Variants in ARHGAP39 observed in about 807,000 individuals in gnomAD.
ARHGAP39 encodes the protein Rho GTPase activating protein 39.
In ARHGAP39, 44 loss-of-function variants were observed where a neutral mutation model predicts 106.9. That is an observed-to-expected ratio of 0.41 (90% confidence interval 0.32 to 0.53). The LOEUF (loss-of-function observed/expected upper bound fraction) is 0.53, where lower values mean the gene tolerates loss of function less well. Among genes scored for constraint, ARHGAP39 ranks in the 20% least tolerant of loss-of-function variants. The pLI is 0.21. For missense variants in ARHGAP39, 1,496 were observed against 1,577.3 expected, an observed-to-expected ratio of 0.95 and a Z score of 0.87; for synonymous variants, 768 against 693.2, an observed-to-expected ratio of 1.11 and a Z score of -1.69.
intron 1 of ARHGAP39, among the ~76,000 whole-genome samples, chr8:144,610,338 T>C (rs1820445109): frequency 6.6e-6 from 1 of 152,206 alleles, no homozygotes; most frequent in African/African-American, 2.4e-5. Context: ...TCCTTTCTTT[T>C]GCATCCTTTA....
At chr8:144,562,039 C>A (rs1199139535) in intron 3 of ARHGAP39, among the ~76,000 whole-genome samples, 1 of 145,340 alleles carries the variant, frequency 6.9e-6, no homozygotes, top group Non-Finnish European at 1.5e-5. Context: ...TGGTTTCCAT[C>A]GGACTTACTC....
intron 4 of ARHGAP39, among the ~76,000 whole-genome samples, chr8:144,553,240 C>T (rs1817785654): frequency 6.6e-6 from 1 of 152,196 alleles, no homozygotes; most frequent in Non-Finnish European, 1.5e-5. Flanking sequence ...TAATTGTGCC[C>T]AGCTTGCCGT....
At chr8:144,618,651 T>C (rs1169919876) in intron 1 of ARHGAP39, among the ~76,000 whole-genome samples, 4 of 152,098 alleles carry the variant, frequency 2.6e-5, no homozygotes, top group Non-Finnish European at 5.9e-5. Context: ...CCTCCCCCTC[T>C]GCCGGGGCTG....
In ARHGAP39 at chr8:144,684,877, G is replaced by A. The variant is rs913308932; in HGVS notation, c.-82+809C>T. ...GCAGGCGGCCATGACCCCACCTGGA[G>A]ACGCCCATGTCCGCTCCCTGCGCCC... On this transcript the variant is annotated intron_variant, in intron 1 of 11. Transcript: ENST00000377307. This position sits in a 1 kb window ranked among gnomAD's most constrained non-coding sequence, Gnocchi z 4.4. 6.6e-5 allele frequency among the ~76,000 whole-genome samples: 10 copies of A among 152,324 alleles called. No individual in the cohort carries two copies. In the East Asian group the frequency reaches 1.9e-3, roughly 29 times the overall value.
In ARHGAP39 at chr8:144,548,549, A is replaced by T; in HGVS notation, c.597-60T>A. 1 of 1,557,402 alleles carries T rather than the reference A, an allele frequency of 6.4e-7. No homozygotes were observed. Among genetic ancestry groups the T allele is most frequent in the Non-Finnish European group, 8.7e-7 (1 of 1,155,378 alleles). On this transcript the variant is annotated intron_variant, in intron 4 of 11. Transcript: ENST00000377307. The surrounding 1 kb of genome is among the most constrained non-coding windows in gnomAD (Gnocchi z 7.4). Reference sequence around the variant, plus strand: ...TGCCTGCTGCTTCTGGGCACGCCCCACCCCCTCGGGGGCTGTAGGCAGCGG... The same window carrying T: ...TGCCTGCTGCTTCTGGGCACGCCCCTCCCCCTCGGGGGCTGTAGGCAGCGG...
At chr8:144,552,310 G>A (rs533036947) in intron 4 of ARHGAP39, among the ~76,000 whole-genome samples, 5 of 152,362 alleles carry the variant, frequency 3.3e-5, no homozygotes, top group South Asian at 4.1e-4. Context: ...AGCCAGAAGC[G>A]CGTCCCTGCT....
At position 144,548,071 on chromosome 8, in the gene ARHGAP39, C is replaced by A. The variant is rs1460696924; in HGVS notation, c.1015G>T (p.Gly339Cys). 6.3e-7 allele frequency: 1 copy of A among 1,595,538 alleles called. No individual in the cohort carries two copies. Among genetic ancestry groups the A allele is most frequent in the Non-Finnish European group, 8.5e-7 (1 of 1,171,528 alleles). Residue 339 changes from glycine to cysteine, a missense_variant, in exon 5 of 12, where the codon GGC becomes TGC. Around this residue, in one of 4 missense-constraint regions of ARHGAP39, gnomAD observed 905 missense variants for 816.4 expected, o/e 1.11. Coordinates refer to ENST00000377307, the MANE Select transcript of ARHGAP39 (RefSeq NM_025251.3). The surrounding 1 kb of genome is among the most constrained non-coding windows in gnomAD (Gnocchi z 7.4). ...PMDVQFEAGG[G>C]YQAGSPQRSP... Reference sequence around the variant, plus strand: ...CGCTGGGGAGAGCCGGCCTGGTAGCCCCCGCCAGCCTCGAATTGCACGTCC... The same window carrying A: ...CGCTGGGGAGAGCCGGCCTGGTAGCACCCGCCAGCCTCGAATTGCACGTCC...
chr8:144,620,178 CCT>C (rs1387867455), intron 1 of ARHGAP39, among the ~76,000 whole-genome samples: 5 of 120,892 alleles, frequency 4.1e-5, no homozygotes, highest in East Asian at 2.9e-4. Context: ...CTTGTGTGTC[CCT>C]GAGAGAGCGT....
At position 144,547,341 on chromosome 8, in the gene ARHGAP39, C is replaced by A. The variant is rs1187264142; in HGVS notation, c.1745G>T (p.Gly582Val). 6.2e-7 allele frequency: 1 copy of A among 1,606,432 alleles called. No homozygotes were observed. Among genetic ancestry groups the A allele is most frequent in the East Asian group, 2.2e-5 (1 of 44,822 alleles). ...GGCGCCGTCGCTCTCGTAGCCAGAG[C>A]CGTCCTGCTGGGAGTCCCAGCTGCT... is the stretch of plus-strand genomic sequence containing the variant. ...QRSSWDSQQD[G>V]SGYESDGALP... The change falls in exon 5 of 12, where the codon GGC (glycine) becomes GTC (valine). Residue 582 changes from glycine to valine, a missense_variant. Transcript: ENST00000377307. This position sits in a 1 kb window ranked among gnomAD's most constrained non-coding sequence, Gnocchi z 5.2.
chr8:144,670,625 G>C lies in ARHGAP39; in HGVS notation c.-82+15061C>G, dbSNP rs535184100. Among the ~76,000 whole-genome samples, 1 of 152,124 alleles carries C rather than the reference G, an allele frequency of 6.6e-6. No homozygotes were observed. The highest frequency in any genetic ancestry group is 1.9e-4 in the East Asian group (1 of 5,164). ...CAGGCTCCCTGGGCTCCTGCCATCC[G>C]GTCCTGCTAACCCCAGGGCTGCCAC... On this transcript the variant is annotated intron_variant, in intron 1 of 11. Coordinates refer to ENST00000377307, the MANE Select transcript of ARHGAP39 (RefSeq NM_025251.3). The surrounding 1 kb of genome is among the most constrained non-coding windows in gnomAD (Gnocchi z 4.4).
intron 2 of ARHGAP39, among the ~76,000 whole-genome samples, chr8:144,602,565 C>T (rs1181458533): frequency 7.6e-6 from 1 of 132,286 alleles, no homozygotes; most frequent in Admixed American, 7.9e-5. Context: ...TGCGTGCGAG[C>T]TCGTGTACCT....
intron 3 of ARHGAP39, among the ~76,000 whole-genome samples, chr8:144,556,318 G>A (rs1817918460): frequency 1.3e-5 from 2 of 151,424 alleles, no homozygotes; most frequent in Non-Finnish European, 2.9e-5. Context: ...AATACCCTTG[G>A]AGACTGTGAC....
intron 2 of ARHGAP39, among the ~76,000 whole-genome samples, chr8:144,603,575 A>T (rs1241765671): frequency 6.6e-6 from 1 of 151,948 alleles, no homozygotes; most frequent in Non-Finnish European, 1.5e-5. Flanking sequence ...CTGTAATCCC[A>T]GCTACTCAGG....
intron 4 of ARHGAP39, among the ~76,000 whole-genome samples, chr8:144,554,630 C>A (rs1322916019): frequency 6.6e-6 from 1 of 152,126 alleles, no homozygotes. Context: ...TGGGGGTGGC[C>A]CTTCCACTAC....
In ARHGAP39 at chr8:144,555,604, C is replaced by G; in HGVS notation, c.552G>C (p.Glu184Asp). The change falls in exon 4 of 12, where the codon GAG becomes GAC. Residue 184 changes from glutamate (E) to aspartate (D), a missense_variant. Coordinates refer to ENST00000377307, the MANE Select transcript of ARHGAP39 (RefSeq NM_025251.3). ...CGTCCGCACTGTAATCCCGGTAAATCTCATAGTCCTTCTCAAGGAACACTC... is the reference window on the plus strand; with the variant it reads ...CGTCCGCACTGTAATCCCGGTAAATGTCATAGTCCTTCTCAAGGAACACTC... ...PPGVFLEKDY[E>D]IYRDYSADGQ... 1 of 1,614,046 alleles carries G rather than the reference C, an allele frequency of 6.2e-7. No homozygotes were observed. Among genetic ancestry groups the G allele is most frequent in the Non-Finnish European group, 8.5e-7 (1 of 1,180,026 alleles).
intron 1 of ARHGAP39, among the ~76,000 whole-genome samples, chr8:144,660,301 A>T (rs1821791021): frequency 6.6e-6 from 1 of 152,188 alleles, no homozygotes; most frequent in South Asian, 2.1e-4. Context: ...GTTAAATAAT[A>T]TAAGATTATT....
At chr8:144,589,120 G>A (rs1321278335) in intron 2 of ARHGAP39, among the ~76,000 whole-genome samples, 1 of 152,230 alleles carries the variant, frequency 6.6e-6, no homozygotes, top group African/African-American at 2.4e-5. Context: ...CCGGCGGCAT[G>A]ACGGCGAGGG....
chr8:144,619,229 T>A (rs768298632), intron 1 of ARHGAP39, among the ~76,000 whole-genome samples: 21 of 152,296 alleles, frequency 1.4e-4, no homozygotes, highest in Admixed American at 7.2e-4. Context: ...CAGGGTCTGC[T>A]GGGAAAGCAA....
At chr8:144,601,178 GTGCA>G (rs1819906462) in intron 2 of ARHGAP39, among the ~76,000 whole-genome samples, 1 of 147,900 alleles carries the variant, frequency 6.8e-6, no homozygotes. Flanking sequence ...GGAGGCGTGC[GTGCA>G]AGCTCGTGTA....
Sources: allele counts gnomAD v4.1 joint callset (sites outside exome capture counted in the v4.1 genomes callset), GRCh38; gene constraint gnomAD v4.1.1; regional missense constraint gnomAD v4.1.1; non-coding constraint Gnocchi (gnomAD v3.1); transcripts MANE v1.5; gene names NCBI Gene and HGNC (gene_info 2026-07-23, HGNC 2026-07-21).